The following L3MBTL3 variants were observed in gnomAD, a reference collection of about 807,000 sequenced individuals.
L3MBTL3 encodes the protein lethal(3)malignant brain tumor-like protein 3.
Under a neutral mutation model 102.3 loss-of-function variants are expected in L3MBTL3, and 27 were observed. That is an observed-to-expected ratio of 0.26 (90% CI 0.19 to 0.36). L3MBTL3 has a LOEUF of 0.36. Among genes scored for constraint, L3MBTL3 ranks in the 10% least tolerant of loss-of-function variants. The pLI, the probability that L3MBTL3 is intolerant of heterozygous loss-of-function variation, is 1.00. For synonymous variants in L3MBTL3, 340 were observed against 320.9 expected (o/e 1.06, Z -0.64); for missense variants, 798 against 955.3 (o/e 0.84, Z 2.17).
At chr6:130,116,943 CTT>C (rs1785730871) in intron 19 of L3MBTL3, among the ~76,000 whole-genome samples, 4 of 144,188 alleles carry the variant, frequency 2.8e-5, no homozygotes, top group South Asian at 4.3e-4. Flanking sequence ...TTTTTTTCCT[CTT>C]ATTTTTTATT....
chr6:130,112,704 C>T (rs1785430049), intron 19 of L3MBTL3, among the ~76,000 whole-genome samples: 1 of 146,744 alleles, frequency 6.8e-6, no homozygotes. Flanking sequence ...AGCTCTGCCC[C>T]ATATTAAGAC....
At chr6:130,094,171 T>G in intron 17 of L3MBTL3, 94 bp from the exon 18 acceptor site, 1 of 882,670 alleles carries the variant, frequency 1.1e-6, no homozygotes, top group Non-Finnish European at 1.7e-6. Context: ...TTTTAGGGAG[T>G]CTTTTTCTTC....
At chr6:130,102,867 C>T (rs995431218) in intron 18 of L3MBTL3, among the ~76,000 whole-genome samples, 1 of 152,170 alleles carries the variant, frequency 6.6e-6, no homozygotes, top group Non-Finnish European at 1.5e-5. Flanking sequence ...GTGTTTATCA[C>T]CATATGAAGT....
intron 9 of L3MBTL3, among the ~76,000 whole-genome samples, chr6:130,058,698 A>G (rs1003159656): frequency 1.3e-5 from 2 of 152,168 alleles, no homozygotes; most frequent in African/African-American, 4.8e-5. Context: ...GCAACGACTC[A>G]GTTAGGTCAT....
intron 7 of L3MBTL3, among the ~76,000 whole-genome samples, chr6:130,053,423 C>A (rs1259723879): frequency 6.6e-6 from 1 of 152,052 alleles, no homozygotes; most frequent in African/African-American, 2.4e-5. Context: ...ATCACGAGGT[C>A]GGGAGATCGA....
Position 130,043,082 on chromosome 6 carries a change from T to G in L3MBTL3, c.102+281T>G, listed in dbSNP as rs115729530. Among the ~76,000 whole-genome samples the G allele has an allele frequency of 1.6e-3, 242 of 152,310 alleles. 3 individuals are homozygous for G. The highest frequency in any genetic ancestry group is 5.6e-3 in the African/African-American group (234 of 41,570). ...AGTTTCAAGAAGGATCATCTCAGTT[T>G]TGACTCTTACCGTGACAGCCTATAA... On this transcript the variant is annotated intron_variant, in intron 3 of 22. Coordinates refer to ENST00000361794, the MANE Select transcript of L3MBTL3 (RefSeq NM_032438.4).
At position 130,133,963 on chromosome 6, in the gene L3MBTL3, A is replaced by C; in HGVS notation, c.2199+58A>C. 1 of 1,346,696 alleles carries C rather than the reference A, an allele frequency of 7.4e-7. No homozygotes were observed. Among genetic ancestry groups the C allele is most frequent in the Admixed American group, 1.7e-5 (1 of 59,336 alleles). 83.4% of individuals were successfully genotyped at this position (1,346,696 alleles called of 1,614,324 possible). Reference sequence around the variant, plus strand: ...TAATGGGATCAAAGCACTGAAATGCAGTGGAAGGTGAAATGTGTGGAATTG... The same window carrying C: ...TAATGGGATCAAAGCACTGAAATGCCGTGGAAGGTGAAATGTGTGGAATTG... On this transcript the variant is annotated intron_variant, in intron 22 of 22. Transcript: ENST00000361794. This position sits in a 1 kb window ranked among gnomAD's most constrained non-coding sequence, Gnocchi z 4.9.
chr6:130,084,340 A>T (rs1041268682), intron 15 of L3MBTL3, among the ~76,000 whole-genome samples: 3 of 152,146 alleles, frequency 2.0e-5, no homozygotes, highest in Non-Finnish European at 4.4e-5. Flanking sequence ...AATTTAACAG[A>T]AAAGAAAAAT....
At chr6:130,030,711 C>G (rs1779667510) in intron 2 of L3MBTL3, among the ~76,000 whole-genome samples, 1 of 146,346 alleles carries the variant, frequency 6.8e-6, no homozygotes, top group Non-Finnish European at 1.5e-5. Flanking sequence ...AACCCAGGCA[C>G]TGGGGCTCCA....
rs1326381704 is a variant in L3MBTL3 at position 130,097,705 on chromosome 6, C to G, written c.1736+3338C>G. Among the ~76,000 whole-genome samples the G allele has an allele frequency of 2.0e-5, 3 of 152,030 alleles. No individual in the cohort carries two copies. The East Asian group carries it at 5.8e-4, about 29-fold the overall frequency. On this transcript the variant is annotated intron_variant, in intron 18 of 22. Coordinates refer to ENST00000361794, the MANE Select transcript of L3MBTL3 (RefSeq NM_032438.4). The stretch of plus-strand genomic sequence containing the variant: ...TGTGTCACAGTGTTTCCCTTTGTCA[C>G]TTCATTTATTTGGCCTACCGAGAGA...
At chr6:130,068,464 T>C (rs1291982038) in intron 12 of L3MBTL3, 43 bp downstream of exon 12, 1 of 1,059,504 alleles carries the variant, frequency 9.4e-7, no homozygotes, top group South Asian at 1.3e-5. Flanking sequence ...GGAAGAAGTT[T>C]TTTGAGTGTC....
At chr6:130,108,220 GTTTTTTTTTTGTTTT>G (rs1343545547) in intron 19 of L3MBTL3, among the ~76,000 whole-genome samples, 6 of 118,706 alleles carry the variant, frequency 5.1e-5, no homozygotes, top group Non-Finnish European at 8.9e-5. Context: ...ATGTTAGGTG[GTTTTTTTTTTGTTTT>G]TTTTTTTTTT....
intron 19 of L3MBTL3, among the ~76,000 whole-genome samples, chr6:130,113,855 C>T (rs1381157834): frequency 4.7e-5 from 7 of 150,428 alleles, no homozygotes; most frequent in Non-Finnish European, 1.0e-4. Flanking sequence ...AAGCTAAAAG[C>T]ATATATAAAT....
Position 130,137,422 on chromosome 6 carries a change from T to C in L3MBTL3, c.2200-2188T>C, listed in dbSNP as rs570296292. Among the ~76,000 whole-genome samples, 29 of 152,356 alleles carry C rather than the reference T, an allele frequency of 1.9e-4. No individual in the cohort carries two copies. In the South Asian group the frequency reaches 6.0e-3, roughly 32 times the overall value. ...TAGGATGTACTTTCCTGAATTAAGT[T>C]GACTTCCTTCCAATCAAGACTTGTT... is the stretch of plus-strand genomic sequence containing the variant. On this transcript the variant is annotated intron_variant, in intron 22 of 22. Coordinates refer to ENST00000361794, the MANE Select transcript of L3MBTL3 (RefSeq NM_032438.4).
At chr6:130,080,014 G>A (rs1783218679) in intron 14 of L3MBTL3, among the ~76,000 whole-genome samples, 2 of 152,164 alleles carry the variant, frequency 1.3e-5, no homozygotes, top group African/African-American at 4.8e-5. Flanking sequence ...CAGCACTTTG[G>A]GAGGCTGAGG....
chr6:130,090,716 A>G (rs1209379288), intron 16 of L3MBTL3, among the ~76,000 whole-genome samples: 1 of 151,936 alleles, frequency 6.6e-6, no homozygotes, highest in African/African-American at 2.4e-5. Context: ...CCACCTCAGC[A>G]TAACTGAGTA....
At chr6:130,108,220 GTTTTTTTTTTGTTTTTT>G (rs1400378932) in intron 19 of L3MBTL3, among the ~76,000 whole-genome samples, 1 of 118,706 alleles carries the variant, frequency 8.4e-6, no homozygotes, top group Non-Finnish European at 1.8e-5. Flanking sequence ...ATGTTAGGTG[GTTTTTTTTTTGTTTTTT>G]TTTTTTTTTT....
chr6:130,139,384 G>T (rs1011498186), intron 22 of L3MBTL3, among the ~76,000 whole-genome samples: 1 of 152,084 alleles, frequency 6.6e-6, no homozygotes, highest in Non-Finnish European at 1.5e-5. Flanking sequence ...TTTTCCTTTG[G>T]CTGGTTTTTC....
chr6:130,077,820 C>G (rs574778781), intron 13 of L3MBTL3, among the ~76,000 whole-genome samples: 1 of 152,254 alleles, frequency 6.6e-6, no homozygotes, highest in East Asian at 1.9e-4. Context: ...GCAAAACTGA[C>G]TGGACTCCTT....
Sources: gnomAD v4.1 joint callset for allele counts (sites outside exome capture counted in the v4.1 genomes callset) on GRCh38, gnomAD v4.1.1 for gene constraint, Gnocchi (gnomAD v3.1) non-coding constraint, MANE v1.5 for transcripts, NCBI Gene and HGNC (gene_info 2026-07-23, HGNC 2026-07-21) for gene names.